Variants in FYTTD1 observed in about 807,000 individuals in gnomAD.
FYTTD1 encodes UAP56-interacting factor.
A neutral mutation model predicts 40.9 loss-of-function variants in FYTTD1; 22 were observed. The observed-to-expected ratio is 0.54, with a 90% CI of 0.38 to 0.77. FYTTD1 has a LOEUF of 0.77. Ranked by LOEUF, FYTTD1 falls within the 30% of genes least tolerant of loss-of-function variation. The pLI is 0.00. For missense variants in FYTTD1, 351 were observed against 392.2 expected (o/e 0.90, Z 0.89); for synonymous variants, 140 against 137.9 (o/e 1.01, Z -0.10).
chr3:197,772,472 A>G (rs1357100590), intron 4 of FYTTD1, among the ~76,000 whole-genome samples: 1 of 152,250 alleles, frequency 6.6e-6, no homozygotes, highest in African/African-American at 2.4e-5. Context: ...CCACCATGGC[A>G]CATGTATAGC....
chr3:197,749,557 G>A, upstream of FYTTD1: 1 of 1,292,064 alleles, frequency 7.7e-7, no homozygotes, highest in Non-Finnish European at 1.0e-6. Flanking sequence ...GGGCGCGAAA[G>A]GCTCGTGTGT....
intron 2 of FYTTD1, among the ~76,000 whole-genome samples, chr3:197,762,178 C>T (rs928194570): frequency 2.6e-4 from 39 of 152,194 alleles, no homozygotes; most frequent in African/African-American, 9.4e-4. Flanking sequence ...GAGTTACAAA[C>T]ATTCAGTCCT....
At chr3:197,768,920 G>A (rs1271978444) in intron 3 of FYTTD1, among the ~76,000 whole-genome samples, 1 of 151,798 alleles carries the variant, frequency 6.6e-6, no homozygotes, top group African/African-American at 2.4e-5. Context: ...AGCCTCCCGA[G>A]TAGCTGGGAT....
rs1401870761 is a variant in FYTTD1 at position 197,785,236 on chromosome 3, C to T, written c.*3327C>T. On this transcript the variant is annotated 3_prime_UTR_variant, in exon 9 of 9. Transcript: ENST00000241502. ...ACCACAATTTTAATTACAGTCATCCCTCAGTATACACGGAGGATTGGTTCC... is the reference window on the plus strand; with the variant it reads ...ACCACAATTTTAATTACAGTCATCCTTCAGTATACACGGAGGATTGGTTCC... 1 of 152,198 alleles carries T rather than the reference C, an allele frequency of 6.6e-6. No individual in the cohort carries two copies. The highest frequency in any genetic ancestry group is 6.5e-5 in the Admixed American group (1 of 15,272). The allele number at this position is 152,198 out of a possible 1,614,324, so 9.4% of individuals were successfully genotyped here. A position where few individuals can be genotyped will look rare whatever the true frequency, so the allele number is the denominator to read the frequency against.
At chr3:197,781,042 G>T (rs796637970) in intron 8 of FYTTD1, among the ~76,000 whole-genome samples, 8 of 151,658 alleles carry the variant, frequency 5.3e-5, no homozygotes, top group African/African-American at 1.9e-4. Flanking sequence ...GGCCTGGTGC[G>T]GTGGCTCACG....
chr3:197,750,584 C>A (rs1472123373), intron 1 of FYTTD1: 2 of 984,854 alleles, frequency 2.0e-6, no homozygotes, highest in East Asian at 1.1e-4. Context: ...GGTCGCCGGG[C>A]GTTCCAGGCC....
At chr3:197,753,400 G>C (rs1373476954) in intron 1 of FYTTD1, among the ~76,000 whole-genome samples, 1 of 152,078 alleles carries the variant, frequency 6.6e-6, no homozygotes, top group Non-Finnish European at 1.5e-5. Context: ...CAGAACTGTT[G>C]GTACTAACAT....
chr3:197,751,548 T>G (rs892165566), intron 1 of FYTTD1, among the ~76,000 whole-genome samples: 15 of 151,908 alleles, frequency 9.9e-5, no homozygotes, highest in African/African-American at 3.6e-4. Flanking sequence ...GACATGAGAA[T>G]AGCTGGAACC....
In FYTTD1 at chr3:197,750,079, G is replaced by A. The variant is rs747953023; in HGVS notation, c.103+5G>A. On this transcript the variant is annotated splice_donor_5th_base_variant and intron_variant, in intron 1 of 8. Coordinates refer to ENST00000241502, the MANE Select transcript of FYTTD1 (RefSeq NM_032288.7). The stretch of plus-strand genomic sequence containing the variant: ...ACAAAATAGATATGTCTTTGGGTGA[G>A]GGGCCGAGTTGGACCGAGTTGGAGT... 1 of 1,561,702 alleles carries A rather than the reference G, an allele frequency of 6.4e-7. No individual in the cohort carries two copies. Among genetic ancestry groups the A allele is most frequent in the Admixed American group, 1.8e-5 (1 of 54,662 alleles).
intron 1 of FYTTD1, among the ~76,000 whole-genome samples, chr3:197,753,190 A>G (rs1350219274): frequency 6.6e-6 from 1 of 152,056 alleles, no homozygotes; most frequent in Non-Finnish European, 1.5e-5. Flanking sequence ...GGCAGTTACT[A>G]TGCTTTGTGA....
At chr3:197,749,865 G>A (rs1728937097), upstream of FYTTD1, 6 of 666,924 alleles carry the variant, frequency 9.0e-6, no homozygotes, top group Non-Finnish European at 1.4e-5. Flanking sequence ...GACGGCGCCG[G>A]CGCGTGCGCG....
intron 2 of FYTTD1, among the ~76,000 whole-genome samples, chr3:197,765,626 T>C (rs1394859209): frequency 1.3e-5 from 2 of 151,998 alleles, no homozygotes; most frequent in Non-Finnish European, 2.9e-5. Flanking sequence ...CTTTGGGAAG[T>C]TGAGGCAGGC....
rs1213727306 is a variant in FYTTD1 at position 197,786,136 on chromosome 3, A to G, written c.*4227A>G. On this transcript the variant is annotated 3_prime_UTR_variant, in exon 9 of 9. Coordinates refer to ENST00000241502, the MANE Select transcript of FYTTD1 (RefSeq NM_032288.7). ...TTTTTCTTTTTTTTCTTTTTTTGAG[A>G]TGGAGTTTCACTCTTGTTGCCCAGG... 1.7e-5 allele frequency: 2 copies of G among 118,528 alleles called. No homozygotes were observed. The highest frequency in any genetic ancestry group is 6.6e-5 in the African/African-American group (2 of 30,186). The allele number at this position is 118,528 out of a possible 1,614,324, so 7.3% of individuals were successfully genotyped here. A position where few individuals can be genotyped will look rare whatever the true frequency, so the allele number is the denominator to read the frequency against.
intron 4 of FYTTD1, among the ~76,000 whole-genome samples, chr3:197,772,617 G>GT (rs1344235068): frequency 6.6e-6 from 1 of 152,096 alleles, no homozygotes; most frequent in Non-Finnish European, 1.5e-5. Flanking sequence ...TTTTTCTGTG[G>GT]TTTGTATATT....
At position 197,785,614 on chromosome 3, in the gene FYTTD1, C is replaced by T. The variant is rs571140080; in HGVS notation, c.*3705C>T. 324 of 151,720 alleles carry T rather than the reference C, an allele frequency of 2.1e-3. 2 individuals carry two copies. Among genetic ancestry groups the T allele is most frequent in the African/African-American group, 7.1e-3 (295 of 41,278 alleles). The allele number at this position is 151,720 out of a possible 1,614,324, so 9.4% of individuals were successfully genotyped here. The stretch of plus-strand genomic sequence containing the variant: ...TGCTCAGCAGTGAGTTTTTATTAGA[C>T]TAGGTATGTATATCATTATTAATAT... On this transcript the variant is annotated 3_prime_UTR_variant, in exon 9 of 9. Transcript: ENST00000241502.
intron 1 of FYTTD1, 142 bp downstream of exon 1, chr3:197,750,216 G>A: frequency 1.2e-6 from 1 of 841,296 alleles, no homozygotes; most frequent in Non-Finnish European, 1.7e-6. Context: ...GCGGAGGCCC[G>A]GAGGACAGCC....
At chr3:197,751,071 A>C (rs1365066445) in intron 1 of FYTTD1, among the ~76,000 whole-genome samples, 1 of 152,132 alleles carries the variant, frequency 6.6e-6, no homozygotes, top group Non-Finnish European at 1.5e-5. Flanking sequence ...AAAGTACCTG[A>C]CTAGTGGATT....
intron 2 of FYTTD1, 120 bp downstream of exon 2, chr3:197,756,677 C>G: frequency 1.1e-6 from 1 of 939,884 alleles, no homozygotes; most frequent in Non-Finnish European, 1.6e-6. Flanking sequence ...TGTGTTTCCT[C>G]TATGCCTAGG....
At chr3:197,769,448 A>C (rs537392609) in intron 3 of FYTTD1, among the ~76,000 whole-genome samples, 2 of 152,344 alleles carry the variant, frequency 1.3e-5, no homozygotes, top group East Asian at 3.9e-4. Context: ...TCATATACTT[A>C]ATAGAAGAAT....
Sources: gnomAD v4.1 joint callset for allele counts (sites outside exome capture counted in the v4.1 genomes callset) on GRCh38, gnomAD v4.1.1 for gene constraint, MANE v1.5 for transcripts, NCBI Gene and HGNC (gene_info 2026-07-23, HGNC 2026-07-21) for gene names.